Variants in GGACT observed in about 807,000 individuals in gnomAD.
The protein encoded by GGACT is gamma-glutamylamine cyclotransferase, also known as gamma-glutamylaminecyclotransferase.
For missense variants in GGACT, 241 were observed against 233.2 expected, an observed-to-expected ratio of 1.03 and a Z score of -0.22; for synonymous variants, 118 against 115.3, an observed-to-expected ratio of 1.02 and a Z score of -0.15.
At chr13:100,576,080 C>T (rs1003727466) in intron 2 of GGACT, among the ~76,000 whole-genome samples, 7 of 152,126 alleles carry the variant, frequency 4.6e-5, no homozygotes, top group Non-Finnish European at 8.8e-5. Context: ...GAGAATGACT[C>T]TTATCTATAT....
rs1038553141 is a variant in GGACT, at chr13:100,534,772, G to GCATCCCTGCA, written c.-10-2172_-10-2171insTGCAGGGATG. ...TCCAATGCCTGCCTGCATCCCTGTT[G>GCATCCCTGCA]TCTTTGTTCCCCTGGATCCTGCCCC... On this transcript the variant is annotated intron_variant, in intron 2 of 2. Coordinates refer to ENST00000683975, the MANE Select transcript of GGACT (RefSeq NM_001195087.2). The surrounding 1 kb of genome is among the most constrained non-coding windows in gnomAD (Gnocchi z 4.9). Among the ~76,000 whole-genome samples, 2 of 151,984 alleles carry GCATCCCTGCA rather than the reference G, an allele frequency of 1.3e-5. No homozygotes were observed. The highest frequency in any genetic ancestry group is 4.8e-5 in the African/African-American group (2 of 41,382).
intron 2 of GGACT, among the ~76,000 whole-genome samples, chr13:100,571,106 G>T (rs964845393): frequency 4.6e-5 from 7 of 152,282 alleles, no homozygotes; most frequent in East Asian, 1.9e-4. Context: ...AGTGACAACA[G>T]TCCTAGCTCT....
At chr13:100,551,468 T>C (rs1284842446) in intron 2 of GGACT, among the ~76,000 whole-genome samples, 1 of 151,918 alleles carries the variant, frequency 6.6e-6, no homozygotes, top group Non-Finnish European at 1.5e-5. Flanking sequence ...TTAACAGACT[T>C]CCCCTCGGCT....
chr13:100,566,705 C>T (rs1257956135), intron 2 of GGACT, among the ~76,000 whole-genome samples: 4 of 152,202 alleles, frequency 2.6e-5, no homozygotes, highest in Non-Finnish European at 5.9e-5. Flanking sequence ...CAACCTGATG[C>T]CCTTTATCCC....
rs772210182 is a variant in GGACT at position 100,532,154 on chromosome 13, G to GCGCAGC, written c.432_437dup (p.Leu145_Arg146dup). On this transcript the variant is annotated inframe_insertion, in exon 3 of 3. Coordinates refer to ENST00000683975, the MANE Select transcript of GGACT (RefSeq NM_001195087.2). The stretch of plus-strand genomic sequence containing the variant: ...CTTATCTGTTCTCCCGGGGGTTGTA[G>GCGCAGC]CGCAGCCCGTGCGGCCCCTCGGAGT... 32 of 1,456,140 alleles carry GCGCAGC rather than the reference G, an allele frequency of 2.2e-5. No individual in the cohort carries two copies. Among genetic ancestry groups the GCGCAGC allele is most frequent in the Non-Finnish European group, 2.5e-5 (28 of 1,098,954 alleles). The allele number at this position is 1,456,140 out of a possible 1,614,324, so 90.2% of individuals were successfully genotyped here.
chr13:100,537,165 CA>C (rs2088503633), intron 2 of GGACT: 1 of 152,452 alleles, frequency 6.6e-6, no homozygotes, highest in East Asian at 1.9e-4. Flanking sequence ...GGAAGCTGGA[CA>C]CAGGGCCTGT....
chr13:100,566,885 A>G (rs747982091), intron 2 of GGACT, among the ~76,000 whole-genome samples: 49 of 152,218 alleles, frequency 3.2e-4, no homozygotes, highest in Non-Finnish European at 6.6e-4. Flanking sequence ...CCCAGTGCAC[A>G]ATCCCAATTG....
intron 2 of GGACT, among the ~76,000 whole-genome samples, chr13:100,583,542 G>A (rs557628836): frequency 5.0e-4 from 76 of 151,936 alleles, no homozygotes; most frequent in African/African-American, 1.8e-3. Flanking sequence ...AATTTTTTGA[G>A]ACAGGGTCTC....
In GGACT at chr13:100,532,191, T is replaced by G; in HGVS notation, c.401A>C (p.His134Pro). 4 of 1,471,226 alleles carry G rather than the reference T, an allele frequency of 2.7e-6. No homozygotes were observed. The highest frequency in any genetic ancestry group is 3.6e-6 in the Non-Finnish European group (4 of 1,104,576). 91.1% of individuals were successfully genotyped at this position (1,471,226 alleles called of 1,614,324 possible). A position where few individuals can be genotyped will look rare whatever the true frequency, so the allele number is the denominator to read the frequency against. ...CGGCCCCTCGGAGTCGTAGCTGTCA[T>G]GGTGCGGGAGCTGGGCCCACTCCGG... ...FPPEWAQLPH[H>P]DSYDSEGPHG... is the part of the protein sequence containing the mutation. The change falls in exon 3 of 3, where the codon CAT becomes CCT. Residue 134 changes from histidine (H) to proline (P), a missense_variant. Coordinates refer to ENST00000683975, the MANE Select transcript of GGACT (RefSeq NM_001195087.2).
chr13:100,570,237 A>G (rs888826162), intron 2 of GGACT, among the ~76,000 whole-genome samples: 1 of 152,136 alleles, frequency 6.6e-6, no homozygotes, highest in Admixed American at 6.5e-5. Flanking sequence ...GTATTAGTCC[A>G]TTCTCATACT....
chr13:100,535,790 CAA>C (rs2088483184), intron 2 of GGACT: 1 of 152,174 alleles, frequency 6.6e-6, no homozygotes, highest in South Asian at 2.1e-4. Flanking sequence ...AAAATTGCTT[CAA>C]GTTTGTTTTT....
At chr13:100,558,871 C>T (rs1254403339) in intron 2 of GGACT, among the ~76,000 whole-genome samples, 2 of 152,046 alleles carry the variant, frequency 1.3e-5, no homozygotes, top group Non-Finnish European at 2.9e-5. Flanking sequence ...AGAGAGCACA[C>T]ATTCACAGTT....
intron 2 of GGACT, among the ~76,000 whole-genome samples, chr13:100,579,310 G>A (rs1196956115): frequency 6.6e-6 from 1 of 152,172 alleles, no homozygotes; most frequent in African/African-American, 2.4e-5. Flanking sequence ...AGTACCCACA[G>A]CTGTGGGGAG....
chr13:100,577,584 T>A (rs1398146389), intron 2 of GGACT, among the ~76,000 whole-genome samples: 1 of 152,044 alleles, frequency 6.6e-6, no homozygotes, highest in Non-Finnish European at 1.5e-5. Flanking sequence ...TGAAATGACA[T>A]GATTTCTGGC....
At chr13:100,579,233 C>T (rs1875340715) in intron 2 of GGACT, among the ~76,000 whole-genome samples, 1 of 152,100 alleles carries the variant, frequency 6.6e-6, no homozygotes, top group African/African-American at 2.4e-5. Context: ...TTATGCAAGA[C>T]AAAATAACAT....
chr13:100,562,464 A>T (rs1326430953), intron 2 of GGACT, among the ~76,000 whole-genome samples: 1 of 152,212 alleles, frequency 6.6e-6, no homozygotes, highest in African/African-American at 2.4e-5. Context: ...TGGGACAGAC[A>T]GCACAGGCAA....
Position 100,532,068 on chromosome 13 carries a change from T to A in GGACT, c.*62A>T. Reference sequence around the variant, plus strand: ...GTTCGGCTTCCGCCTTCACCCAGCATGGGCTGGGCGCATCTTGGAGCCCCA... The same window carrying A: ...GTTCGGCTTCCGCCTTCACCCAGCAAGGGCTGGGCGCATCTTGGAGCCCCA... On this transcript the variant is annotated 3_prime_UTR_variant, in exon 3 of 3. Coordinates refer to ENST00000683975, the MANE Select transcript of GGACT (RefSeq NM_001195087.2). 4 of 1,241,392 alleles carry A rather than the reference T, an allele frequency of 3.2e-6. No individual in the cohort carries two copies. Among genetic ancestry groups the A allele is most frequent in the Non-Finnish European group, 4.3e-6 (4 of 936,536 alleles). The allele number at this position is 1,241,392 out of a possible 1,614,324, so 76.9% of individuals were successfully genotyped here.
intron 2 of GGACT, among the ~76,000 whole-genome samples, chr13:100,560,853 C>T (rs2088753002): frequency 6.6e-6 from 1 of 152,214 alleles, no homozygotes; most frequent in Non-Finnish European, 1.5e-5. Context: ...AGAACCAGGA[C>T]ACATGCTCTA....
Position 100,530,187 on chromosome 13 carries a change from C to T in GGACT, c.*1943G>A. 6.3e-7 allele frequency: 1 copy of T among 1,589,150 alleles called. No individual in the cohort carries two copies. Among genetic ancestry groups the T allele is most frequent in the Non-Finnish European group, 8.6e-7 (1 of 1,157,414 alleles). ...AATGAAGGATTTATAACCTTTCAGT[C>T]ATCACCCAATTTAATTAGCCATTTG... On this transcript the variant is annotated 3_prime_UTR_variant, in exon 3 of 3. Transcript: ENST00000683975.
Sources: gnomAD v4.1 joint callset for allele counts (sites outside exome capture counted in the v4.1 genomes callset) on GRCh38, gnomAD v4.1.1 for gene constraint, Gnocchi (gnomAD v3.1) non-coding constraint, MANE v1.5 for transcripts, NCBI Gene and HGNC (gene_info 2026-07-23, HGNC 2026-07-21) for gene names.